The following GABRG3 variants were observed in gnomAD, a reference collection of about 807,000 sequenced individuals.
The protein encoded by GABRG3 is gamma-aminobutyric acid receptor subunit gamma-3.
Under a neutral mutation model 48.8 loss-of-function variants are expected in GABRG3, and 25 were observed. The observed-to-expected ratio is 0.51, with a 90% CI of 0.37 to 0.72. The LOEUF (loss-of-function observed/expected upper bound fraction) is 0.72, where lower values mean the gene tolerates loss of function less well. GABRG3 is among the 30% of genes least tolerant of loss of function. GABRG3 has a pLI of 0.00. For synonymous variants in GABRG3, 227 were observed against 217.6 expected, an observed-to-expected ratio of 1.04 and a Z score of -0.38; for missense variants, 394 against 577.9, an observed-to-expected ratio of 0.68 and a Z score of 3.26.
chr15:27,063,019 G>A (rs1896677254), intron 3 of GABRG3, among the ~76,000 whole-genome samples: 1 of 152,202 alleles, frequency 6.6e-6, no homozygotes, highest in East Asian at 1.9e-4. Context: ...ACGGCATTTT[G>A]CACTGCAAAA....
chr15:27,168,228 A>AT (rs1338890233), intron 3 of GABRG3, among the ~76,000 whole-genome samples: 1 of 152,108 alleles, frequency 6.6e-6, no homozygotes, highest in Non-Finnish European at 1.5e-5. Context: ...GGAGTTGAGA[A>AT]TGTGCTCATG....
intron 6 of GABRG3, among the ~76,000 whole-genome samples, chr15:27,501,076 C>T (rs60880930): frequency 2.0e-4 from 30 of 151,554 alleles, no homozygotes; most frequent in Admixed American, 8.5e-4. Flanking sequence ...CTCAGCCTCC[C>T]GAGTAGCTGG....
At chr15:27,258,509 G>A (rs531624992) in intron 3 of GABRG3, among the ~76,000 whole-genome samples, 1 of 152,030 alleles carries the variant, frequency 6.6e-6, no homozygotes, top group Non-Finnish European at 1.5e-5. Context: ...CACCCTCCTG[G>A]CCTTCTCGGG....
chr15:27,479,968 G>A (rs1029683074), intron 5 of GABRG3, among the ~76,000 whole-genome samples: 3 of 152,234 alleles, frequency 2.0e-5, no homozygotes, highest in African/African-American at 4.8e-5. Context: ...AGCCAGCTCT[G>A]GCTCAGGGAG....
At chr15:27,462,005 C>G (rs1182992099) in intron 5 of GABRG3, among the ~76,000 whole-genome samples, 1 of 152,202 alleles carries the variant, frequency 6.6e-6, no homozygotes, top group Non-Finnish European at 1.5e-5. Context: ...TGCCATGCTT[C>G]TTGGCCAGTT....
At chr15:27,235,953 C>G (rs1164410078) in intron 3 of GABRG3, among the ~76,000 whole-genome samples, 2 of 152,040 alleles carry the variant, frequency 1.3e-5, no homozygotes, top group Non-Finnish European at 2.9e-5. Context: ...ACGGACACAC[C>G]CTTACTAATG....
intron 6 of GABRG3, among the ~76,000 whole-genome samples, chr15:27,503,726 C>G (rs8026192): frequency 0.041 from 6,199 of 152,298 alleles, 178 homozygotes; most frequent in Middle Eastern, 0.11. Flanking sequence ...TGTGTTCTCA[C>G]TTATTTCCTG....
At chr15:27,375,576 C>T (rs937395298) in intron 5 of GABRG3, among the ~76,000 whole-genome samples, 7 of 152,176 alleles carry the variant, frequency 4.6e-5, no homozygotes, top group Admixed American at 2.0e-4. Flanking sequence ...CACAGTTCCA[C>T]ATGGCTGGGG....
At chr15:27,339,559 T>A (rs112985553) in intron 5 of GABRG3, among the ~76,000 whole-genome samples, 3,835 of 152,324 alleles carry the variant, frequency 0.025, 58 homozygotes, top group African/African-American at 0.033. Context: ...AGGCTGCTGG[T>A]TGCAGTCAGT....
intron 3 of GABRG3, among the ~76,000 whole-genome samples, chr15:27,038,529 G>A (rs1455978777): frequency 4.6e-5 from 7 of 152,104 alleles, no homozygotes; most frequent in Admixed American, 4.6e-4. Flanking sequence ...CTCTTCCCTG[G>A]CACCACGCTC....
At chr15:27,015,897 T>A (rs943653051) in intron 2 of GABRG3, among the ~76,000 whole-genome samples, 1 of 152,188 alleles carries the variant, frequency 6.6e-6, no homozygotes, top group Non-Finnish European at 1.5e-5. Context: ...TTGAATAATT[T>A]AAATCTTCTT....
chr15:27,501,907 G>A (rs1480955402), intron 6 of GABRG3, among the ~76,000 whole-genome samples: 26 of 151,994 alleles, frequency 1.7e-4, no homozygotes, highest in Admixed American at 1.7e-3. Flanking sequence ...AGCTTTTAGG[G>A]GACAGCACTT....
At chr15:27,003,337 G>A (rs756144631) in intron 2 of GABRG3, among the ~76,000 whole-genome samples, 19 of 151,578 alleles carry the variant, frequency 1.3e-4, no homozygotes, top group Non-Finnish European at 2.1e-4. Context: ...GTGAACAAAG[G>A]TCTCTGGTTT....
chr15:27,359,682 A>C (rs1181426238), intron 5 of GABRG3, among the ~76,000 whole-genome samples: 1 of 152,216 alleles, frequency 6.6e-6, no homozygotes, highest in Non-Finnish European at 1.5e-5. Flanking sequence ...TTCCCATCAA[A>C]ATGTTTTTGT....
At position 27,178,976 on chromosome 15, in the gene GABRG3, C is replaced by A. The variant is rs373678453; in HGVS notation, c.271-147833C>A. Among the ~76,000 whole-genome samples the A allele has an allele frequency of 9.7e-4, 147 of 152,282 alleles. 1 individual carries two copies. Among genetic ancestry groups the A allele is most frequent in the African/African-American group, 3.5e-3 (144 of 41,562 alleles). ...GAAAACAGGTTCTGGTTTCTATGAC[C>A]TGCCTTGGGGAAGAGGGATTCTTGT... On this transcript the variant is annotated intron_variant, in intron 3 of 9. Coordinates refer to ENST00000615808, the MANE Select transcript of GABRG3 (RefSeq NM_033223.5).
At chr15:27,142,943 T>G (rs1266745886) in intron 3 of GABRG3, among the ~76,000 whole-genome samples, 1 of 152,036 alleles carries the variant, frequency 6.6e-6, no homozygotes, top group East Asian at 1.9e-4. Flanking sequence ...TTTGTAGAGA[T>G]AAGGTTTTGC....
chr15:27,532,457 T>TAACAAAAAA, intron 9 of GABRG3, 143 bp from the exon 10 acceptor site: 1 of 393,466 alleles, frequency 2.5e-6, no homozygotes, highest in Non-Finnish European at 4.3e-6. Flanking sequence ...AGACCAACTC[T>TAACAAAAAA]CTCCAGCATG....
intron 4 of GABRG3, 31 bp downstream of exon 4, chr15:27,327,060 C>T (rs1413215909): frequency 6.4e-7 from 1 of 1,562,548 alleles, no homozygotes; most frequent in Admixed American, 1.8e-5. Context: ...TTGATTACTC[C>T]TGGTTTAAAA....
intron 3 of GABRG3, among the ~76,000 whole-genome samples, chr15:27,188,262 C>G (rs2140420779): frequency 6.6e-6 from 1 of 152,272 alleles, no homozygotes; most frequent in African/African-American, 2.4e-5. Flanking sequence ...ATGGCTGGGT[C>G]AAATGGTATT....
Sources: allele counts gnomAD v4.1 joint callset (sites outside exome capture counted in the v4.1 genomes callset), GRCh38; gene constraint gnomAD v4.1.1; transcripts MANE v1.5; gene names NCBI Gene and HGNC (gene_info 2026-07-23, HGNC 2026-07-21).